The following ZNF469 variants were observed in gnomAD, a reference collection of about 807,000 sequenced individuals.
ZNF469 encodes zinc finger protein 469.
In ZNF469, 1 loss-of-function variant was observed where a neutral mutation model predicts 1.0. The ratio of observed to expected loss-of-function variants is 1.00; its 90% confidence interval spans 0.35 to 4.73. ZNF469 has a LOEUF of 4.73. Ranked by LOEUF, ZNF469 falls within the 30% of genes most tolerant of loss-of-function variation. The pLI, the probability that ZNF469 is intolerant of heterozygous loss-of-function variation, is 0.16. For synonymous variants in ZNF469, 2,703 were observed against 2,363.4 expected (o/e 1.14, Z -4.17); for missense variants, 6,100 against 5,356.3 (o/e 1.14, Z -4.33).
the ZNF469 span, among the ~76,000 whole-genome samples, chr16:88,150,975 G>A: frequency 2.6e-5 from 4 of 152,248 alleles, no homozygotes; most frequent in Non-Finnish European, 4.4e-5. Flanking sequence ...TGAAAGTATC[G>A]TCCAAAGAAG....
chr16:88,278,805 G>T, the ZNF469 span, among the ~76,000 whole-genome samples: 14,061 of 132,666 alleles, frequency 0.11, 2,857 homozygotes, highest in African/African-American at 0.36. Flanking sequence ...TGCACGGTTA[G>T]TGCTGTGCCA....
At chr16:88,197,791 G>A in the ZNF469 span, among the ~76,000 whole-genome samples, 6 of 152,210 alleles carry the variant, frequency 3.9e-5, no homozygotes, top group Non-Finnish European at 7.3e-5. Context: ...CTGGCTGCTG[G>A]TGGGAGGCCG....
At chr16:88,379,098 C>T (rs1052892188), upstream of ZNF469, among the ~76,000 whole-genome samples, 1 of 152,184 alleles carries the variant, frequency 6.6e-6, no homozygotes, top group Non-Finnish European at 1.5e-5. Flanking sequence ...GCTGGTTACT[C>T]GGTTTCATTT....
At chr16:88,279,388 A>C in the ZNF469 span, among the ~76,000 whole-genome samples, 1 of 150,498 alleles carries the variant, frequency 6.6e-6, no homozygotes. Flanking sequence ...TACCTTGTAG[A>C]TATCAGTGCA....
At chr16:88,328,648 A>C in the ZNF469 span, among the ~76,000 whole-genome samples, 3 of 152,218 alleles carry the variant, frequency 2.0e-5, no homozygotes, top group Admixed American at 1.3e-4. Context: ...AATGCACCAG[A>C]CAAGGAAAAC....
chr16:88,228,768 C>G, the ZNF469 span, among the ~76,000 whole-genome samples: 1 of 152,164 alleles, frequency 6.6e-6, no homozygotes, highest in African/African-American at 2.4e-5. Context: ...TGGGATTGAC[C>G]TGGAAAACAA....
chr16:88,274,634 G>A, the ZNF469 span, among the ~76,000 whole-genome samples: 1 of 152,246 alleles, frequency 6.6e-6, no homozygotes, highest in Non-Finnish European at 1.5e-5. Flanking sequence ...TGCTCTGTGT[G>A]AAAAGGCCGT....
In ZNF469 at chr16:88,431,117, G is replaced by A. The variant is rs945136840; in HGVS notation, c.3647G>A (p.Arg1216His). Residue 1216 changes from arginine (R) to histidine (H), a missense_variant, in exon 3 of 3, where the codon CGC (arginine) becomes CAC (histidine). Transcript: ENST00000565624. Reference sequence around the variant, plus strand: ...AACACCGAGACCTCAGAGGAAACCCGCCCGTCGCTGGACTTTCCCCAGGAG... The same window carrying A: ...AACACCGAGACCTCAGAGGAAACCCACCCGTCGCTGGACTTTCCCCAGGAG... ...PTNTETSEET[R>H]PSLDFPQEAK... 5.2e-6 allele frequency: 8 copies of A among 1,550,024 alleles called. No individual in the cohort carries two copies. The highest frequency in any genetic ancestry group is 1.2e-5 in the South Asian group (1 of 84,040).
At chr16:88,388,337 G>A (rs1168563732) in intron 1 of ZNF469, among the ~76,000 whole-genome samples, 6 of 152,250 alleles carry the variant, frequency 3.9e-5, no homozygotes, top group Non-Finnish European at 7.3e-5. Flanking sequence ...TGTTCGCAGG[G>A]CCAGCATCCC....
chr16:88,323,736 C>T, the ZNF469 span, among the ~76,000 whole-genome samples: 11 of 152,268 alleles, frequency 7.2e-5, no homozygotes, highest in East Asian at 1.4e-3. Flanking sequence ...TGCCCATGAC[C>T]GGTAATGGCC....
At chr16:88,243,393 A>C in the ZNF469 span, among the ~76,000 whole-genome samples, 1 of 152,202 alleles carries the variant, frequency 6.6e-6, no homozygotes, top group East Asian at 1.9e-4. Flanking sequence ...GGGATGTAAG[A>C]TATACCCACC....
chr16:88,376,358 G>T, the ZNF469 span, among the ~76,000 whole-genome samples: 2,875 of 152,350 alleles, frequency 0.019, 88 homozygotes, highest in African/African-American at 0.063. Flanking sequence ...TCACACAGCC[G>T]GGCCCGGTGT....
chr16:88,313,103 G>A, the ZNF469 span, among the ~76,000 whole-genome samples: 91,244 of 151,624 alleles, frequency 0.6, 27,473 homozygotes, highest in East Asian at 0.75. Context: ...CCCTTGATTC[G>A]GGCATTTTGA....
chr16:88,423,626 G>A (rs11076729), intron 1 of ZNF469, among the ~76,000 whole-genome samples: 126,779 of 152,212 alleles, frequency 0.83, 54,546 homozygotes, highest in South Asian at 0.96. Context: ...CCCTCACAAG[G>A]TTGCGGTCAG....
At chr16:88,109,424 G>A in the ZNF469 span, among the ~76,000 whole-genome samples, 23 of 152,358 alleles carry the variant, frequency 1.5e-4, no homozygotes, top group African/African-American at 4.1e-4. Context: ...GCTTCTCCCC[G>A]GCAGCCTCCG....
At chr16:88,243,823 C>T in the ZNF469 span, among the ~76,000 whole-genome samples, 1 of 145,520 alleles carries the variant, frequency 6.9e-6, no homozygotes, top group Non-Finnish European at 1.5e-5. Context: ...TAGGTGGATG[C>T]ATTGATGGAA....
In ZNF469 at chr16:88,436,407, C is replaced by T. The variant is rs777763779; in HGVS notation, c.8937C>T (p.Pro2979=). 4.6e-5 allele frequency: 72 copies of T among 1,549,512 alleles called. No individual in the cohort carries two copies. Among genetic ancestry groups the T allele is most frequent in the South Asian group, 9.5e-5 (8 of 84,060 alleles). ...CAGAGAAGCTGCCCTCCCACTGCCC[C>T]GAGGACGATCGGCCGGAGGCCATTC... ...AGAEKLPSHC[P]EDDRPEAIPE... The change falls in exon 3 of 3, where the codon CCC becomes CCT. Residue 2979 remains proline, a synonymous_variant. Transcript: ENST00000565624.
chr16:88,377,145 G>T, the ZNF469 span, among the ~76,000 whole-genome samples: 8 of 152,366 alleles, frequency 5.3e-5, no homozygotes, highest in Admixed American at 3.9e-4. Flanking sequence ...TGCACACCAG[G>T]CAGGCCACAG....
At chr16:88,319,484 A>G in the ZNF469 span, among the ~76,000 whole-genome samples, 15 of 151,730 alleles carry the variant, frequency 9.9e-5, no homozygotes, top group Middle Eastern at 3.4e-3. Context: ...TCCTGAACAG[A>G]GTGAGCACAG....
Sources: gnomAD v4.1 joint callset for allele counts (sites outside exome capture counted in the v4.1 genomes callset) on GRCh38, gnomAD v4.1.1 for gene constraint, MANE v1.5 for transcripts, NCBI Gene and HGNC (gene_info 2026-07-23, HGNC 2026-07-21) for gene names.